ZFPM1: variants seen among roughly 807,000 people sequenced by gnomAD.
ZFPM1 encodes the protein zinc finger protein ZFPM1.
A neutral mutation model predicts 46.3 loss-of-function variants in ZFPM1; 28 were observed. The observed-to-expected ratio is 0.60, with a 90% CI of 0.45 to 0.83. The LOEUF is 0.83. ZFPM1 is among the 40% of genes least tolerant of loss of function. ZFPM1 has a pLI of 0.00. For missense variants in ZFPM1, 1,878 were observed against 1,432.4 expected, an observed-to-expected ratio of 1.31 and a Z score of -5.02; for synonymous variants, 957 against 675.9, an observed-to-expected ratio of 1.42 and a Z score of -6.45.
chr16:88,524,150 A>G (rs376739991), intron 4 of ZFPM1, among the ~76,000 whole-genome samples: 1 of 152,336 alleles, frequency 6.6e-6, no homozygotes. Context: ...TCGGAGGATC[A>G]AGCAGATTAA....
chr16:88,511,756 A>G (rs1260239432), intron 3 of ZFPM1, among the ~76,000 whole-genome samples: 3 of 152,224 alleles, frequency 2.0e-5, no homozygotes, highest in Admixed American at 1.3e-4. Flanking sequence ...CACAGGTCGA[A>G]TGCTGCACAA....
At chr16:88,465,655 G>A (rs1908101246) in intron 1 of ZFPM1, among the ~76,000 whole-genome samples, 1 of 152,194 alleles carries the variant, frequency 6.6e-6, no homozygotes, top group African/African-American at 2.4e-5. Flanking sequence ...GGAGGGGGAG[G>A]GGCTTGCCTG....
At chr16:88,493,039 A>ACGGAGAGC (rs1909673498) in intron 3 of ZFPM1, among the ~76,000 whole-genome samples, 2 of 54,058 alleles carry the variant, frequency 3.7e-5, no homozygotes, top group Non-Finnish European at 7.6e-5. Flanking sequence ...GTCCCGGGGT[A>ACGGAGAGC]TGGAGAGCTA....
intron 2 of ZFPM1, among the ~76,000 whole-genome samples, chr16:88,487,919 G>T (rs538273839): frequency 3.3e-5 from 5 of 152,334 alleles, no homozygotes; most frequent in South Asian, 2.1e-4. Context: ...CCTGGGACCC[G>T]CTGGCTGCCA....
At chr16:88,532,464 A>G in intron 7 of ZFPM1, 150 bp from the exon 8 acceptor site, 1 of 870,990 alleles carries the variant, frequency 1.1e-6, no homozygotes, top group Non-Finnish European at 1.7e-6. Flanking sequence ...GAGAGACAAA[A>G]GGCGGAGGAG....
chr16:88,530,299 G>C (rs1390850972), intron 6 of ZFPM1: 3 of 152,266 alleles, frequency 2.0e-5, no homozygotes, highest in Non-Finnish European at 4.4e-5. Context: ...CAGTCCCTGA[G>C]GGGCAGCTGC....
intron 1 of ZFPM1, among the ~76,000 whole-genome samples, chr16:88,475,627 G>A (rs1327537630): frequency 6.6e-6 from 1 of 152,188 alleles, no homozygotes; most frequent in Non-Finnish European, 1.5e-5. Flanking sequence ...ACAACGCCGG[G>A]TACAGGGCAG....
intron 4 of ZFPM1, among the ~76,000 whole-genome samples, chr16:88,516,863 T>G (rs1258676138): frequency 6.6e-6 from 1 of 152,156 alleles, no homozygotes; most frequent in Non-Finnish European, 1.5e-5. Flanking sequence ...TCCACAGGCC[T>G]GGGGCTTGCT....
At chr16:88,501,751 C>T (rs1198248286) in intron 3 of ZFPM1, among the ~76,000 whole-genome samples, 1 of 147,070 alleles carries the variant, frequency 6.8e-6, no homozygotes, top group African/African-American at 2.7e-5. Flanking sequence ...CGGGCCCTCC[C>T]GCTGGTGCTG....
chr16:88,489,019 T>C lies in ZFPM1; in HGVS notation c.146-12T>C. ...ACTCAGCAGGGATGTGACGGTGTTT[T>C]CCTCTCTGCAGATGTTAACTCACCC... On this transcript the variant is annotated splice_polypyrimidine_tract_variant and intron_variant, in intron 2 of 9. Transcript: ENST00000319555. 6.2e-7 allele frequency: 1 copy of C among 1,610,500 alleles called. No individual in the cohort carries two copies. Among genetic ancestry groups the C allele is most frequent in the East Asian group, 2.2e-5 (1 of 44,768 alleles).
chr16:88,493,399 GC>G (rs1909725807), intron 3 of ZFPM1, among the ~76,000 whole-genome samples: 5 of 143,296 alleles, frequency 3.5e-5, no homozygotes, highest in Non-Finnish European at 7.6e-5. Flanking sequence ...GTCCCAGGGT[GC>G]AGGAAGCTGT....
rs578251422 is a variant in ZFPM1, at chr16:88,464,664, C to T, written c.40+10986C>T. 1.3e-3 allele frequency among the ~76,000 whole-genome samples: 202 copies of T among 152,390 alleles called. 1 individual carries two copies. Among genetic ancestry groups the T allele is most frequent in the African/African-American group, 3.6e-3 (148 of 41,598 alleles). On this transcript the variant is annotated intron_variant, in intron 1 of 9. Transcript: ENST00000319555. ...GGCCCTCTGGGGCCCTGGCTCAAGC[C>T]GATCATTCCCATACCCTTCCAGCTC...
intron 1 of ZFPM1, among the ~76,000 whole-genome samples, chr16:88,465,561 C>G (rs1908096372): frequency 6.6e-6 from 1 of 152,196 alleles, no homozygotes; most frequent in Non-Finnish European, 1.5e-5. Context: ...CTGGTGTCCC[C>G]CTGGTGCCTA....
intron 2 of ZFPM1, among the ~76,000 whole-genome samples, chr16:88,488,609 C>T (rs989574266): frequency 1.1e-4 from 17 of 152,108 alleles, no homozygotes; most frequent in African/African-American, 2.6e-4. Flanking sequence ...TCGCATCGAT[C>T]GGGGCCGAGG....
intron 3 of ZFPM1, among the ~76,000 whole-genome samples, chr16:88,508,119 A>C (rs1422331862): frequency 6.6e-6 from 1 of 152,144 alleles, no homozygotes; most frequent in Admixed American, 6.5e-5. Context: ...CAACATGGCG[A>C]AACCCCTTCT....
chr16:88,533,088 G>A, intron 9 of ZFPM1, 60 bp from the exon 10 acceptor site: 1 of 1,053,718 alleles, frequency 9.5e-7, no homozygotes, highest in South Asian at 1.5e-5. Flanking sequence ...TCGCCCTCCA[G>A]CTCTGACCGG....
chr16:88,501,799 G>C (rs73259779), intron 3 of ZFPM1, among the ~76,000 whole-genome samples: 46 of 146,822 alleles, frequency 3.1e-4, no homozygotes, highest in African/African-American at 1.1e-3. Context: ...GCAGGGCCCT[G>C]CCGCTGGTGC....
intron 1 of ZFPM1, among the ~76,000 whole-genome samples, chr16:88,484,060 C>T (rs1284347268): frequency 6.6e-6 from 1 of 152,214 alleles, no homozygotes; most frequent in Non-Finnish European, 1.5e-5. Flanking sequence ...GGCTCCACCT[C>T]CGACCAGCCC....
In ZFPM1 at chr16:88,534,225, C is replaced by T. The variant is rs1333878889; in HGVS notation, c.2267C>T (p.Pro756Leu). 3.0e-6 allele frequency: 3 copies of T among 983,854 alleles called. No individual in the cohort carries two copies. The highest frequency in any genetic ancestry group is 1.1e-4 in the East Asian group (1 of 8,768). The allele number at this position is 983,854 out of a possible 1,614,324, so 60.9% of individuals were successfully genotyped here. Residue 756 changes from proline (P) to leucine (L), a missense_variant, in exon 10 of 10, where the codon CCC becomes CTC. By Grantham distance (98) the Pro-to-Leu change is moderately conservative. Transcript: ENST00000319555. ...LYELHAAGAP[P>L]PPPPGHAPAP... ...GAGCTGCACGCGGCCGGCGCCCCGC[C>T]CCCCCCGCCGCCCGGCCACGCCCCC...
Sources: allele counts gnomAD v4.1 joint callset (sites outside exome capture counted in the v4.1 genomes callset), GRCh38; gene constraint gnomAD v4.1.1; transcripts MANE v1.5; gene names NCBI Gene and HGNC (gene_info 2026-07-23, HGNC 2026-07-21).